The following ADAMDEC1 variants were observed in gnomAD, a reference collection of about 807,000 sequenced individuals.
ADAMDEC1 encodes the protein ADAM like decysin 1.
In ADAMDEC1, 62 loss-of-function variants were observed where a neutral mutation model predicts 60.4. That is an observed-to-expected ratio of 1.03 (90% confidence interval 0.84 to 1.27). ADAMDEC1 has a LOEUF of 1.27. ADAMDEC1 is among the 50% of genes most tolerant of loss of function. The pLI, the probability that ADAMDEC1 is intolerant of heterozygous loss-of-function variation, is 0.00. For synonymous variants in ADAMDEC1, 210 were observed against 195.1 expected, an observed-to-expected ratio of 1.08 and a Z score of -0.64; for missense variants, 595 against 565.0, an observed-to-expected ratio of 1.05 and a Z score of -0.54.
chr8:24,394,810 A>G (rs1176950986), intron 4 of ADAMDEC1, among the ~76,000 whole-genome samples: 1 of 152,224 alleles, frequency 6.6e-6, no homozygotes, highest in Non-Finnish European at 1.5e-5. Flanking sequence ...TTTCATGAAC[A>G]TCTGAATTTT....
chr8:24,402,041 T>C lies in ADAMDEC1; in HGVS notation c.1269T>C (p.Cys423=). Residue 423 remains cysteine, a synonymous_variant, in exon 12 of 14, where the codon TGT becomes TGC. Coordinates refer to ENST00000256412, the MANE Select transcript of ADAMDEC1 (RefSeq NM_014479.3). ...CAAATATAATGACAACACCAGTGTG[T>C]GGGAACCACCTTCTAGAAGTGGGAG... ...IPTNIMTTPV[C]GNHLLEVGED... 6.2e-7 allele frequency: 1 copy of C among 1,613,120 alleles called. No homozygotes were observed. Among genetic ancestry groups the C allele is most frequent in the Non-Finnish European group, 8.5e-7 (1 of 1,179,334 alleles).
At chr8:24,393,236 T>C in intron 2 of ADAMDEC1, 26 bp from the exon 3 acceptor site, 2 of 1,392,212 alleles carry the variant, frequency 1.4e-6, no homozygotes, top group South Asian at 2.5e-5. Flanking sequence ...AAATATAAAT[T>C]GCTTGATGTA....
chr8:24,400,110 A>G (rs1395419060), intron 10 of ADAMDEC1, 60 bp from the exon 11 acceptor site: 2 of 1,366,844 alleles, frequency 1.5e-6, no homozygotes, highest in African/African-American at 1.5e-5. Flanking sequence ...TTTTTAAAGT[A>G]CTGCACATTG....
chr8:24,396,858 C>T (rs1426037290), intron 5 of ADAMDEC1, among the ~76,000 whole-genome samples: 3 of 152,200 alleles, frequency 2.0e-5, no homozygotes, highest in Admixed American at 1.3e-4. Context: ...CTAATCCCAA[C>T]GTGTTACTCT....
At chr8:24,397,820 A>G in intron 7 of ADAMDEC1, 75 bp downstream of exon 7, 2 of 1,426,584 alleles carry the variant, frequency 1.4e-6, no homozygotes, top group Non-Finnish European at 1.9e-6. Flanking sequence ...AAAGCAAGCA[A>G]TAAACTATTT....
chr8:24,400,194 C>A lies in ADAMDEC1; in HGVS notation c.1036C>A (p.Leu346Ile). The change falls in exon 11 of 14, where the codon CTT becomes ATT. Residue 346 changes from leucine to isoleucine, a missense_variant. Physicochemically the swap from Leu to Ile is conservative, Grantham distance 5. Transcript: ENST00000256412. ...GGCTAAAAAAAAGAATAATGTGGCTCTTGTAGGAGTGATGTCACATGAGCT... is the reference window on the plus strand; with the variant it reads ...GGCTAAAAAAAAGAATAATGTGGCTATTGTAGGAGTGATGTCACATGAGCT... ...IEAKKKNNVA[L>I]VGVMSHELGH... 6.2e-7 allele frequency: 1 copy of A among 1,600,060 alleles called. No homozygotes were observed. The highest frequency in any genetic ancestry group is 1.1e-5 in the South Asian group (1 of 87,450).
chr8:24,384,716 G>C, intron 1 of ADAMDEC1, 124 bp downstream of exon 1: 1 of 867,850 alleles, frequency 1.2e-6, no homozygotes, highest in Non-Finnish European at 1.7e-6. Context: ...TTGCATTTTG[G>C]TAGATTTTCT....
chr8:24,405,239 T>C, intron 13 of ADAMDEC1, 53 bp from the exon 14 acceptor site: 2 of 1,530,134 alleles, frequency 1.3e-6, no homozygotes, highest in Non-Finnish European at 1.8e-6. Context: ...TTACATAATA[T>C]TTTGTAACTT....
intron 12 of ADAMDEC1, among the ~76,000 whole-genome samples, chr8:24,403,421 C>G (rs1411368911): frequency 2.6e-5 from 4 of 151,858 alleles, no homozygotes; most frequent in African/African-American, 9.7e-5. Flanking sequence ...AGGCATCACA[C>G]TATTTTAAAG....
At position 24,397,417 on chromosome 8, in the gene ADAMDEC1, A is replaced by G. The variant is rs1362961770; in HGVS notation, c.588A>G (p.Gln196=). 6.2e-7 allele frequency: 1 copy of G among 1,614,032 alleles called. No individual in the cohort carries two copies. Among genetic ancestry groups the G allele is most frequent in the Non-Finnish European group, 8.5e-7 (1 of 1,179,954 alleles). ...GTGTGAAGAGCACTGACGGGAAACA[A>G]GGCCCAATTCGAATCTCTAGATCAC... is the stretch of plus-strand genomic sequence containing the variant. The part of the protein sequence containing the change: ...TCGVKSTDGK[Q]GPIRISRSLK... Residue 196 remains glutamine (Q), a synonymous_variant, in exon 6 of 14, where the codon CAA becomes CAG. Transcript: ENST00000256412.
chr8:24,390,027 A>G (rs1044507298), intron 1 of ADAMDEC1: 8 of 372,530 alleles, frequency 2.1e-5, no homozygotes, highest in African/African-American at 1.7e-4. Context: ...TGTATGCTTC[A>G]TATGTATAAA....
chr8:24,392,113 ATTAAC>A, intron 1 of ADAMDEC1, 144 bp from the exon 2 acceptor site: 1 of 493,988 alleles, frequency 2.0e-6, no homozygotes, highest in Non-Finnish European at 3.5e-6. Flanking sequence ...AAGAACGACA[ATTAAC>A]TTGTTATTCA....
At chr8:24,397,215 C>A in intron 5 of ADAMDEC1, 55 bp from the exon 6 acceptor site, 1 of 1,522,596 alleles carries the variant, frequency 6.6e-7, no homozygotes, top group South Asian at 1.2e-5. Flanking sequence ...TTCTTGGAAG[C>A]AAATATGACA....
At chr8:24,399,142 CAG>C in intron 9 of ADAMDEC1, 102 bp downstream of exon 9, 1 of 1,345,250 alleles carries the variant, frequency 7.4e-7, no homozygotes, top group Non-Finnish European at 1.0e-6. Context: ...GATCAACTGT[CAG>C]AGTGCTTGAC....
chr8:24,389,079 G>A (rs535038908), intron 1 of ADAMDEC1, among the ~76,000 whole-genome samples: 1 of 152,236 alleles, frequency 6.6e-6, no homozygotes, highest in South Asian at 2.1e-4. Flanking sequence ...AGAAGTACCT[G>A]CTCTTACACA....
Position 24,393,319 on chromosome 8 carries a change from C to A in ADAMDEC1, c.265C>A (p.Leu89Ile). The A allele has an allele frequency of 6.2e-7, 1 of 1,603,260 alleles. No homozygotes were observed. The highest frequency in any genetic ancestry group is 8.5e-7 in the Non-Finnish European group (1 of 1,173,244). The change falls in exon 3 of 14, where the codon CTC becomes ATC. Residue 89 changes from leucine (L) to isoleucine (I), a missense_variant. Physicochemically the swap from Leu to Ile is conservative, Grantham distance 5 (BLOSUM62 2). Coordinates refer to ENST00000256412, the MANE Select transcript of ADAMDEC1 (RefSeq NM_014479.3). ...QMILNGEEII[L>I]SLQKTKHLLG... ...GATCTTAAATGGAGAAGAAATCATT[C>A]TCTCCCTACAAAAAACCAAGTAAGT...
chr8:24,401,842 A>G lies in ADAMDEC1; in HGVS notation c.1143-73A>G, dbSNP rs1817773027. 23 of 1,250,764 alleles carry G rather than the reference A, an allele frequency of 1.8e-5. No homozygotes were observed. The South Asian group carries it at 3.3e-4, about 18-fold the overall frequency. The allele number at this position is 1,250,764 out of a possible 1,614,324, so 77.5% of individuals were successfully genotyped here. On this transcript the variant is annotated intron_variant, in intron 11 of 13. Coordinates refer to ENST00000256412, the MANE Select transcript of ADAMDEC1 (RefSeq NM_014479.3). ...ATAAATCAGAGTCTCGTGTTTCTTT[A>G]TCTTTATTCTGTGTTTCACGCAGAA...
intron 1 of ADAMDEC1, among the ~76,000 whole-genome samples, chr8:24,386,526 A>C (rs183343821): frequency 1.3e-5 from 2 of 152,118 alleles, no homozygotes; most frequent in Non-Finnish European, 2.9e-5. Context: ...ATATTCACCA[A>C]TCTACTGCTC....
chr8:24,397,807 G>C (rs1817655463), intron 7 of ADAMDEC1, 62 bp downstream of exon 7: 1 of 1,469,304 alleles, frequency 6.8e-7, no homozygotes, highest in Non-Finnish European at 9.4e-7. Context: ...TACTTATCAA[G>C]CAAAAGCAAG....
Sources: gnomAD v4.1 joint callset for allele counts (sites outside exome capture counted in the v4.1 genomes callset) on GRCh38, gnomAD v4.1.1 for gene constraint, MANE v1.5 for transcripts, NCBI Gene and HGNC (gene_info 2026-07-23, HGNC 2026-07-21) for gene names.